EYS: variants seen among roughly 807,000 people sequenced by gnomAD.
EYS encodes the protein protein eyes shut homolog.
Under a neutral mutation model 282.1 loss-of-function variants are expected in EYS, and 250 were observed. The observed-to-expected ratio is 0.89, with a 90% confidence interval of 0.80 to 0.98. EYS has a LOEUF of 0.98. Ranked by LOEUF, EYS falls within the 50% of genes least tolerant of loss-of-function variation. The probability of loss-of-function intolerance (pLI) is 0.00; values close to 1 mark genes in which losing one functional copy is unlikely to be tolerated. For missense variants in EYS, 4,016 were observed against 3,709.0 expected, an observed-to-expected ratio of 1.08 and a Z score of -2.15; for synonymous variants, 1,355 against 1,282.9, an observed-to-expected ratio of 1.06 and a Z score of -1.20.
At chr6:63,799,020 T>A (rs866980227) in intron 37 of EYS, among the ~76,000 whole-genome samples, 30 of 132,240 alleles carry the variant, frequency 2.3e-4, no homozygotes, top group African/African-American at 7.8e-4. Flanking sequence ...TATATATATA[T>A]AATTTTTTTT....
intron 35 of EYS, among the ~76,000 whole-genome samples, chr6:63,878,528 G>A (rs1773040788): frequency 6.6e-6 from 1 of 152,230 alleles, no homozygotes; most frequent in African/African-American, 2.4e-5. Context: ...GTTTAAGTCT[G>A]TAGAAGTTTC....
chr6:64,142,020 T>C (rs1485269223), intron 31 of EYS, among the ~76,000 whole-genome samples: 2 of 151,970 alleles, frequency 1.3e-5, no homozygotes, highest in Non-Finnish European at 2.9e-5. Flanking sequence ...GGAAGTGTAA[T>C]GTTTTCATCA....
At chr6:64,577,048 C>T (rs796470627) in intron 26 of EYS, among the ~76,000 whole-genome samples, 8 of 152,162 alleles carry the variant, frequency 5.3e-5, no homozygotes, top group African/African-American at 1.9e-4. Context: ...GATGCAGCTA[C>T]AAGTCAAGAA....
chr6:64,521,409 G>A (rs1777730422), intron 26 of EYS, among the ~76,000 whole-genome samples: 1 of 151,598 alleles, frequency 6.6e-6, no homozygotes. Context: ...ACTCATGAGG[G>A]GCTACCACAG....
chr6:64,916,864 T>C lies in EYS; in HGVS notation c.2382-4121A>G, dbSNP rs192845777. Reference sequence around the variant, plus strand: ...CATTGGTGTAAAATACATTGAACACTTCTAAGGACAACTTTTCAAATCTTA... The same window carrying C: ...CATTGGTGTAAAATACATTGAACACCTCTAAGGACAACTTTTCAAATCTTA... On this transcript the variant is annotated intron_variant, in intron 15 of 42. Coordinates refer to ENST00000503581, the MANE Select transcript of EYS (RefSeq NM_001142800.2). Among the ~76,000 whole-genome samples, 327 of 152,350 alleles carry C rather than the reference T, an allele frequency of 2.1e-3. 2 individuals carry two copies. Among genetic ancestry groups the C allele is most frequent in the African/African-American group, 7.6e-3 (316 of 41,576 alleles).
At chr6:64,869,563 C>A (rs886805358) in intron 19 of EYS, among the ~76,000 whole-genome samples, 2 of 151,230 alleles carry the variant, frequency 1.3e-5, no homozygotes, top group South Asian at 2.1e-4. Flanking sequence ...TAGTTGAGAC[C>A]TGAATAGAAG....
chr6:65,268,721 A>G (rs1309945374), intron 12 of EYS, among the ~76,000 whole-genome samples: 2 of 152,070 alleles, frequency 1.3e-5, no homozygotes, highest in Non-Finnish European at 2.9e-5. Flanking sequence ...GAAGAACATC[A>G]TCGTTTTATC....
intron 30 of EYS, among the ~76,000 whole-genome samples, chr6:64,252,285 A>G (rs1767243734): frequency 6.6e-6 from 1 of 152,068 alleles, no homozygotes; most frequent in African/African-American, 2.4e-5. Context: ...CCCAAATTCA[A>G]ATTAGAAACC....
intron 8 of EYS, among the ~76,000 whole-genome samples, chr6:65,360,505 G>T (rs1331555086): frequency 6.6e-6 from 1 of 152,014 alleles, no homozygotes; most frequent in South Asian, 2.1e-4. Context: ...GGGACCAAGG[G>T]AAATCTGATT....
At chr6:65,085,678 C>T (rs560289843) in intron 12 of EYS, among the ~76,000 whole-genome samples, 16 of 152,160 alleles carry the variant, frequency 1.1e-4, no homozygotes, top group Non-Finnish European at 1.8e-4. Context: ...AAAAATCTTC[C>T]AGAACACAAC....
At chr6:64,271,000 C>A (rs1767926256) in intron 30 of EYS, among the ~76,000 whole-genome samples, 1 of 152,120 alleles carries the variant, frequency 6.6e-6, no homozygotes, top group Non-Finnish European at 1.5e-5. Context: ...ATGTTTATCT[C>A]TAGGTCGCTC....
chr6:64,839,884 T>A (rs1552969), intron 19 of EYS, among the ~76,000 whole-genome samples: 84,329 of 151,486 alleles, frequency 0.56, 24,156 homozygotes, highest in Non-Finnish European at 0.62. Flanking sequence ...AGAGCCCTCA[T>A]GATTTAATCA....
chr6:64,321,157 C>A (rs2150384354), intron 29 of EYS, among the ~76,000 whole-genome samples: 1 of 151,676 alleles, frequency 6.6e-6, no homozygotes, highest in Admixed American at 6.6e-5. Flanking sequence ...AATGATTGCC[C>A]AACTTTACAG....
At chr6:64,628,575 T>G (rs1767683188) in intron 22 of EYS, among the ~76,000 whole-genome samples, 1 of 152,104 alleles carries the variant, frequency 6.6e-6, no homozygotes. Flanking sequence ...ACCTGCCTAA[T>G]TTTTGTGTGT....
At chr6:64,393,309 C>G (rs1773228765) in intron 28 of EYS, among the ~76,000 whole-genome samples, 1 of 152,120 alleles carries the variant, frequency 6.6e-6, no homozygotes. Flanking sequence ...GATACCAAAA[C>G]CAGGCAGAGA....
At chr6:65,554,785 C>T (rs1768734662) in intron 2 of EYS, among the ~76,000 whole-genome samples, 1 of 152,118 alleles carries the variant, frequency 6.6e-6, no homozygotes, top group Non-Finnish European at 1.5e-5. Context: ...AGGCTAATTA[C>T]AGAAAGCAAT....
chr6:64,567,607 G>C (rs555493250), intron 26 of EYS, among the ~76,000 whole-genome samples: 4 of 152,218 alleles, frequency 2.6e-5, no homozygotes, highest in African/African-American at 9.6e-5. Flanking sequence ...TAAGAAAAAT[G>C]GAAGTAGAAG....
At chr6:65,316,077 T>G (rs1769287907) in intron 11 of EYS, among the ~76,000 whole-genome samples, 1 of 152,242 alleles carries the variant, frequency 6.6e-6, no homozygotes, top group Non-Finnish European at 1.5e-5. Context: ...TTCTTTTTTC[T>G]ATTGCATTAT....
chr6:64,192,522 C>A (rs527706878), intron 31 of EYS, among the ~76,000 whole-genome samples: 1 of 151,944 alleles, frequency 6.6e-6, no homozygotes, highest in South Asian at 2.1e-4. Flanking sequence ...TCAGAAATAA[C>A]GCCGCGTATC....
Sources: allele counts gnomAD v4.1 joint callset (sites outside exome capture counted in the v4.1 genomes callset), GRCh38; gene constraint gnomAD v4.1.1; transcripts MANE v1.5; gene names NCBI Gene and HGNC (gene_info 2026-07-23, HGNC 2026-07-21).